FOXN3: variants seen among roughly 807,000 people sequenced by gnomAD.
The protein encoded by FOXN3 is forkhead box N3.
Under a neutral mutation model 38.4 loss-of-function variants are expected in FOXN3, and 7 were observed. The observed-to-expected ratio is 0.18, with a 90% CI of 0.10 to 0.34. FOXN3 has a LOEUF of 0.34. FOXN3 is among the 10% of genes least tolerant of loss of function. FOXN3 has a pLI of 1.00. For synonymous variants in FOXN3, 230 were observed against 242.2 expected, an observed-to-expected ratio of 0.95 and a Z score of 0.47; for missense variants, 456 against 613.4, an observed-to-expected ratio of 0.74 and a Z score of 2.71.
At chr14:89,481,077 T>C (rs1313980135) in intron 1 of FOXN3, among the ~76,000 whole-genome samples, 1 of 138,716 alleles carries the variant, frequency 7.2e-6, no homozygotes, top group African/African-American at 2.7e-5. Context: ...TGGTCTTTGA[T>C]TGTGGTTAAG....
At chr14:89,363,964 ATATATAT>A (rs1890016305) in intron 2 of FOXN3, among the ~76,000 whole-genome samples, 1 of 26,772 alleles carries the variant, frequency 3.7e-5, no homozygotes, top group African/African-American at 1.2e-4. Context: ...ATATATATAT[ATATATAT>A]ATATATATAT....
chr14:89,486,211 C>T (rs775984893), intron 1 of FOXN3, among the ~76,000 whole-genome samples: 15 of 152,100 alleles, frequency 9.9e-5, no homozygotes, highest in Admixed American at 3.3e-4. Flanking sequence ...AAGATTAATA[C>T]GATTAAAGTA....
chr14:89,167,333 T>C (rs563879070), intron 5 of FOXN3, among the ~76,000 whole-genome samples: 2 of 152,344 alleles, frequency 1.3e-5, no homozygotes, highest in East Asian at 3.9e-4. Context: ...TAATTAGGGG[T>C]TCCACTACAG....
intron 1 of FOXN3, among the ~76,000 whole-genome samples, chr14:89,499,404 C>T (rs998348758): frequency 4.6e-5 from 7 of 151,870 alleles, no homozygotes; most frequent in African/African-American, 1.5e-4. Context: ...GCCTAATGAG[C>T]AATTTGCCTA....
intron 4 of FOXN3, among the ~76,000 whole-genome samples, chr14:89,236,276 G>A (rs1328548832): frequency 6.6e-6 from 1 of 152,208 alleles, no homozygotes; most frequent in Non-Finnish European, 1.5e-5. Context: ...AGCACTTTGG[G>A]AGGCCGAGGC....
intron 2 of FOXN3, among the ~76,000 whole-genome samples, chr14:89,381,866 A>G (rs1438199124): frequency 7.6e-6 from 1 of 131,310 alleles, no homozygotes; most frequent in Admixed American, 7.8e-5. Context: ...GGGGAGGGGA[A>G]GGGAAGGGGA....
intron 4 of FOXN3, among the ~76,000 whole-genome samples, chr14:89,259,786 C>A (rs1445860967): frequency 1.3e-5 from 2 of 152,232 alleles, no homozygotes; most frequent in African/African-American, 4.8e-5. Flanking sequence ...ACTCCCCCGA[C>A]AGAAACCTTC....
intron 4 of FOXN3, among the ~76,000 whole-genome samples, chr14:89,252,759 C>T (rs1051029009): frequency 1.3e-5 from 2 of 151,402 alleles, no homozygotes; most frequent in African/African-American, 4.9e-5. Context: ...ACCTATTCCT[C>T]GATTTTATAT....
intron 4 of FOXN3, among the ~76,000 whole-genome samples, chr14:89,244,108 T>C (rs1244658674): frequency 1.3e-5 from 2 of 152,186 alleles, no homozygotes; most frequent in African/African-American, 2.4e-5. Context: ...ATCTTAATAC[T>C]AGAGATCTGG....
At chr14:89,360,408 G>A (rs1471482777) in intron 2 of FOXN3, among the ~76,000 whole-genome samples, 2 of 150,354 alleles carry the variant, frequency 1.3e-5, no homozygotes, top group Admixed American at 6.6e-5. Context: ...GGAAGACAGG[G>A]AGAGAGGTAA....
At chr14:89,314,178 A>C (rs951473586) in intron 3 of FOXN3, among the ~76,000 whole-genome samples, 1 of 152,248 alleles carries the variant, frequency 6.6e-6, no homozygotes, top group African/African-American at 2.4e-5. Context: ...ATGTAACAAC[A>C]CAGAAGTAGG....
Position 89,427,844 on chromosome 14 carries a change from GA to G in FOXN3, c.-14-15355del, listed in dbSNP as rs745431181. 2.2e-3 allele frequency among the ~76,000 whole-genome samples: 315 copies of G among 144,228 alleles called. 1 individual carries two copies. The highest frequency in any genetic ancestry group is 4.9e-3 in the African/African-American group (196 of 39,606). 94.6% of individuals were successfully genotyped at this position (144,228 alleles called of 152,430 possible). On this transcript the variant is annotated intron_variant, in intron 1 of 6. Transcript: ENST00000345097. ...ATAAAAAATATTGATCACTTAACAG[GA>G]AAAAAAAAAAGTCTCCTTTTTATCC...
chr14:89,333,451 C>T (rs1339087399), intron 3 of FOXN3, among the ~76,000 whole-genome samples: 1 of 148,684 alleles, frequency 6.7e-6, no homozygotes, highest in Non-Finnish European at 1.5e-5. Flanking sequence ...GCACCTATTA[C>T]GAAGAACAGT....
At chr14:89,415,589 CAAAACAACAATAACCAAAAAAAAAAAA>C (rs1309243025) in intron 1 of FOXN3, among the ~76,000 whole-genome samples, 1 of 18,280 alleles carries the variant, frequency 5.5e-5, no homozygotes, top group Non-Finnish European at 1.4e-4. Context: ...AAAAACAAAA[CAAAACAACAATAACCAAAAAAAAAAAA>C]AAAAAAAAAA....
chr14:89,278,894 C>T (rs1271364009), intron 4 of FOXN3, among the ~76,000 whole-genome samples: 1 of 152,164 alleles, frequency 6.6e-6, no homozygotes, highest in African/African-American at 2.4e-5. Context: ...CTTCCCCTGG[C>T]ATGACTGGAC....
At chr14:89,488,624 C>CA (rs34611131) in intron 1 of FOXN3, among the ~76,000 whole-genome samples, 33,848 of 119,054 alleles carry the variant, frequency 0.28, 4,159 homozygotes, top group East Asian at 0.45. Context: ...TGCCCCATCT[C>CA]AAAAAAAAAA....
intron 2 of FOXN3, among the ~76,000 whole-genome samples, chr14:89,368,127 G>A (rs996087953): frequency 1.1e-4 from 16 of 148,134 alleles, no homozygotes; most frequent in Admixed American, 2.7e-4. Flanking sequence ...TCAGGAGTTC[G>A]AGACCAGCCT....
chr14:89,309,717 G>A (rs1027722830), intron 3 of FOXN3, among the ~76,000 whole-genome samples: 2 of 152,204 alleles, frequency 1.3e-5, no homozygotes, highest in Admixed American at 1.3e-4. Context: ...GGGTGCGACG[G>A]AACCATTTTC....
intron 1 of FOXN3, among the ~76,000 whole-genome samples, chr14:89,452,692 C>T (rs1892637199): frequency 6.6e-6 from 1 of 152,138 alleles, no homozygotes. Context: ...GATGCACCCA[C>T]CCAACAGCCT....
Sources: allele counts gnomAD v4.1 joint callset (sites outside exome capture counted in the v4.1 genomes callset), GRCh38; gene constraint gnomAD v4.1.1; transcripts MANE v1.5; gene names NCBI Gene and HGNC (gene_info 2026-07-23, HGNC 2026-07-21).